The following NPIPB8 variants were observed in gnomAD, a reference collection of about 807,000 sequenced individuals.
NPIPB8 encodes nuclear pore complex-interacting protein family member B8.
Under a neutral mutation model 5.3 loss-of-function variants are expected in NPIPB8, and 3 were observed. The ratio of observed to expected loss-of-function variants is 0.57; its 90% CI spans 0.26 to 1.47. The LOEUF is 1.47. Among genes scored for constraint, NPIPB8 ranks in the 40% most tolerant of loss-of-function variants. The probability of loss-of-function intolerance (pLI) is 0.13; values close to 1 mark genes in which losing one functional copy is unlikely to be tolerated. For missense variants in NPIPB8, 50 were observed against 50.2 expected (o/e 1.00, Z 0.01); for synonymous variants, 18 against 23.0 (o/e 0.78, Z 0.62).
chr16:28,640,431 A>C (rs555303629), intron 2 of NPIPB8, among the ~76,000 whole-genome samples: 22 of 152,106 alleles, frequency 1.4e-4, no homozygotes, highest in African/African-American at 5.1e-4. Flanking sequence ...TGAAGGAGAG[A>C]GTGGCCAGTC....
intron 2 of NPIPB8, among the ~76,000 whole-genome samples, chr16:28,642,624 A>G (rs2047922514): frequency 6.6e-6 from 1 of 150,770 alleles, no homozygotes; most frequent in Non-Finnish European, 1.5e-5. Context: ...AGGTGGGACT[A>G]CAGGTGCCCA....
rs1194859737 is a variant in NPIPB8, at chr16:28,638,589, G to A, written c.120+109G>A. The A allele has an allele frequency of 5.0e-6, 7 of 1,399,130 alleles. 1 individual carries two copies. The highest frequency in any genetic ancestry group is 3.0e-5 in the African/African-American group (2 of 66,872). The allele number at this position is 1,399,130 out of a possible 1,614,324, so 86.7% of individuals were successfully genotyped here. A position where few individuals can be genotyped will look rare whatever the true frequency, so the allele number is the denominator to read the frequency against. On this transcript the variant is annotated intron_variant, in intron 2 of 7. Coordinates refer to ENST00000683297, the MANE Select transcript of NPIPB8 (RefSeq NM_001310136.2). The stretch of plus-strand genomic sequence containing the variant: ...GCTGGGGGAAGCTTACGCAGTCACA[G>A]TACTGGCTTCTTCCTCTTTTTCTTT...
intron 2 of NPIPB8, among the ~76,000 whole-genome samples, chr16:28,640,356 C>T (rs1473380258): frequency 6.6e-6 from 1 of 152,154 alleles, no homozygotes; most frequent in Non-Finnish European, 1.5e-5. Context: ...GCCCCACATG[C>T]CCTCATCCTG....
chr16:28,638,071 G>A lies in NPIPB8; in HGVS notation c.-118G>A, dbSNP rs1336327043. 4.2e-6 allele frequency: 3 copies of A among 715,206 alleles called. No homozygotes were observed. In the African/African-American group the frequency reaches 5.5e-5, roughly 13 times the overall value. 44.3% of individuals were successfully genotyped at this position (715,206 alleles called of 1,614,324 possible). ...ATTTAAATGACTTGGATGTTTTATAGGTATGATCTCATGAAACCTTGAGAG... is the reference window on the plus strand; with the variant it reads ...ATTTAAATGACTTGGATGTTTTATAAGTATGATCTCATGAAACCTTGAGAG... On this transcript the variant is annotated 5_prime_UTR_variant, in exon 1 of 8. Coordinates refer to ENST00000683297, the MANE Select transcript of NPIPB8 (RefSeq NM_001310136.2).
At chr16:28,642,273 T>G in intron 2 of NPIPB8, among the ~76,000 whole-genome samples, 1 of 150,940 alleles carries the variant, frequency 6.6e-6, no homozygotes, top group Non-Finnish European at 1.5e-5. Flanking sequence ...GCCTGGCTAA[T>G]TTTTGTATTT....
chr16:28,644,363 C>T (rs143463053), intron 2 of NPIPB8, among the ~76,000 whole-genome samples: 87 of 114,356 alleles, frequency 7.6e-4, no homozygotes, highest in Admixed American at 2.8e-3. Flanking sequence ...CCTCCTCCTC[C>T]TCCACCTCCT....
chr16:28,645,129 C>T (rs1375321403), intron 2 of NPIPB8, among the ~76,000 whole-genome samples: 1 of 131,882 alleles, frequency 7.6e-6, no homozygotes, highest in African/African-American at 2.8e-5. Flanking sequence ...CTGCAACCTC[C>T]GCTTCCGGGG....
At chr16:28,639,823 T>G (rs1458755004) in intron 2 of NPIPB8, among the ~76,000 whole-genome samples, 3 of 150,668 alleles carry the variant, frequency 2.0e-5, no homozygotes, top group Non-Finnish European at 4.4e-5. Flanking sequence ...TGCATAGTTT[T>G]ACCCTGTTTA....
intron 2 of NPIPB8, among the ~76,000 whole-genome samples, chr16:28,642,675 G>C (rs551577539): frequency 6.7e-6 from 1 of 149,940 alleles, no homozygotes; most frequent in Non-Finnish European, 1.5e-5. Flanking sequence ...TTAGAGACAG[G>C]GTTTCACCAT....
rs2047968282 is a variant in NPIPB8, at chr16:28,644,686, T to G, written c.121-3449T>G. The G allele has an allele frequency of 2.3e-6, 3 of 1,280,782 alleles. No homozygotes were observed. In the Admixed American group the frequency reaches 7.6e-5, roughly 33 times the overall value. 79.3% of individuals were successfully genotyped at this position (1,280,782 alleles called of 1,614,324 possible). On this transcript the variant is annotated intron_variant, in intron 2 of 7. Transcript: ENST00000683297. Reference sequence around the variant, plus strand: ...TAGACGCTGGACCCGCGGGGTTTCTTCCTTTTTACTGGGCTGTGTCACGCG... The same window carrying G: ...TAGACGCTGGACCCGCGGGGTTTCTGCCTTTTTACTGGGCTGTGTCACGCG...
At chr16:28,642,327 A>T (rs1286462923) in intron 2 of NPIPB8, among the ~76,000 whole-genome samples, 2 of 151,698 alleles carry the variant, frequency 1.3e-5, no homozygotes, top group African/African-American at 2.4e-5. Flanking sequence ...GCTGGTCTCG[A>T]ACTCCTAACC....
chr16:28,641,082 T>C (rs3874734), intron 2 of NPIPB8, among the ~76,000 whole-genome samples: 5 of 151,956 alleles, frequency 3.3e-5, no homozygotes, highest in Admixed American at 6.6e-5. Flanking sequence ...ATGTATTCTG[T>C]GCATTTTCCT....
chr16:28,640,659 CAGG>C (rs2047880627), intron 2 of NPIPB8, among the ~76,000 whole-genome samples: 1 of 152,078 alleles, frequency 6.6e-6, no homozygotes, highest in Admixed American at 6.6e-5. Flanking sequence ...TGGGAAATGA[CAGG>C]AGGACTAAGT....
At chr16:28,637,920 A>C, upstream of NPIPB8, 1 of 519,984 alleles carries the variant, frequency 1.9e-6, no homozygotes, top group Non-Finnish European at 2.7e-6. Context: ...AATTAGTAAT[A>C]TAAAAATGAG....
intron 2 of NPIPB8, among the ~76,000 whole-genome samples, chr16:28,639,398 T>TACAC (rs755245844): frequency 0.019 from 2,695 of 140,982 alleles, 52 homozygotes; most frequent in Middle Eastern, 0.033. Context: ...TTTATATAGA[T>TACAC]ACACACACAC....
chr16:28,638,035 AATG>A (rs1278897374), upstream of NPIPB8: 2 of 704,890 alleles, frequency 2.8e-6, no homozygotes, highest in African/African-American at 3.7e-5. Context: ...TTATGACAGA[AATG>A]ATGATACATT....
intron 2 of NPIPB8, among the ~76,000 whole-genome samples, chr16:28,644,419 T>G (rs1278527819): frequency 1.8e-4 from 1 of 5,620 alleles, no homozygotes; most frequent in Non-Finnish European, 3.1e-4. Context: ...TTCCCTTACT[T>G]CCCCCCTTCC....
At chr16:28,642,969 T>C (rs1190569898) in intron 2 of NPIPB8, among the ~76,000 whole-genome samples, 2 of 152,210 alleles carry the variant, frequency 1.3e-5, no homozygotes, top group African/African-American at 2.4e-5. Context: ...TTGGGCATAC[T>C]CTGTGTGATC....
rs560398065 is a variant in NPIPB8, at chr16:28,642,112, T to C, written c.120+3632T>C. 2.0e-5 allele frequency among the ~76,000 whole-genome samples: 3 copies of C among 151,596 alleles called. No homozygotes were observed. The South Asian group carries it at 6.2e-4, about 31-fold the overall frequency. On this transcript the variant is annotated intron_variant, in intron 2 of 7. Coordinates refer to ENST00000683297, the MANE Select transcript of NPIPB8 (RefSeq NM_001310136.2). ...ACAACCGAAATCTAGGGCTTCTTTT[T>C]TTTTTTGAGACAGAGTCTCATTCCA...
Sources: allele counts gnomAD v4.1 joint callset (sites outside exome capture counted in the v4.1 genomes callset), GRCh38; gene constraint gnomAD v4.1.1; transcripts MANE v1.5; gene names NCBI Gene and HGNC (gene_info 2026-07-23, HGNC 2026-07-21).